CNTNAP2: variants seen among roughly 807,000 people sequenced by gnomAD.
CNTNAP2 encodes the protein contactin-associated protein-like 2.
In CNTNAP2, 98 loss-of-function variants were observed where a neutral mutation model predicts 155.2. The ratio of observed to expected loss-of-function variants is 0.63; its 90% CI spans 0.54 to 0.75. CNTNAP2 has a LOEUF of 0.75. Among genes scored for constraint, CNTNAP2 ranks in the 30% least tolerant of loss-of-function variants. The probability of loss-of-function intolerance (pLI) is 0.00; values close to 1 mark genes in which losing one functional copy is unlikely to be tolerated. For missense variants in CNTNAP2, 1,727 were observed against 1,688.1 expected (o/e 1.02, Z -0.40); for synonymous variants, 651 against 631.2 (o/e 1.03, Z -0.47).
chr7:147,352,001 G>A (rs1344517285), intron 9 of CNTNAP2, among the ~76,000 whole-genome samples: 1 of 151,858 alleles, frequency 6.6e-6, no homozygotes, highest in African/African-American at 2.4e-5. Context: ...ATTCTTCAAT[G>A]ATCAATGGCA....
At chr7:148,247,261 G>A (rs892857589) in intron 20 of CNTNAP2, among the ~76,000 whole-genome samples, 2 of 152,020 alleles carry the variant, frequency 1.3e-5, no homozygotes, top group Admixed American at 1.3e-4. Context: ...ACCATTTATT[G>A]TGTTTTTCTA....
At chr7:146,975,426 C>T (rs1797891200) in intron 3 of CNTNAP2, among the ~76,000 whole-genome samples, 2 of 152,096 alleles carry the variant, frequency 1.3e-5, no homozygotes, top group Admixed American at 1.3e-4. Flanking sequence ...GATCATGCCA[C>T]TGCACTCCAG....
intron 21 of CNTNAP2, among the ~76,000 whole-genome samples, chr7:148,342,993 C>A (rs1419064927): frequency 1.3e-5 from 2 of 152,144 alleles, no homozygotes; most frequent in Non-Finnish European, 2.9e-5. Context: ...AGGCTCCAGC[C>A]CCACACACTC....
At chr7:147,634,980 T>C (rs982601315) in intron 12 of CNTNAP2, among the ~76,000 whole-genome samples, 14 of 152,092 alleles carry the variant, frequency 9.2e-5, no homozygotes, top group African/African-American at 3.4e-4. Flanking sequence ...AATTAGAACA[T>C]TTGCATTTGT....
At chr7:147,007,891 A>C (rs976114863) in intron 3 of CNTNAP2, among the ~76,000 whole-genome samples, 1 of 152,168 alleles carries the variant, frequency 6.6e-6, no homozygotes, top group Non-Finnish European at 1.5e-5. Context: ...AATAAAATAC[A>C]CTAAAATAAA....
chr7:148,205,095 TAGACTG>T (rs1795427980), intron 18 of CNTNAP2, among the ~76,000 whole-genome samples: 1 of 152,238 alleles, frequency 6.6e-6, no homozygotes, highest in Non-Finnish European at 1.5e-5. Flanking sequence ...CTCTTTTCAC[TAGACTG>T]AGACTAAAAC....
At chr7:147,871,018 G>A (rs1355135762) in intron 13 of CNTNAP2, among the ~76,000 whole-genome samples, 2 of 152,238 alleles carry the variant, frequency 1.3e-5, no homozygotes, top group Non-Finnish European at 1.5e-5. Context: ...GCTGGGCTTG[G>A]CAAAGAAGGT....
rs199899500 is a variant in CNTNAP2 at position 146,350,726 on chromosome 7, A to G, written c.97+233753A>G. 7.6e-4 allele frequency among the ~76,000 whole-genome samples: 115 copies of G among 152,192 alleles called. 2 individuals carry two copies. In the East Asian group the frequency reaches 0.019, roughly 25 times the overall value. ...ATCATGCTGCTATAAAGACACATGCACACGTATGTTTATTGCGGCACTATT... is the reference window on the plus strand; with the variant it reads ...ATCATGCTGCTATAAAGACACATGCGCACGTATGTTTATTGCGGCACTATT... On this transcript the variant is annotated intron_variant, in intron 1 of 23. Transcript: ENST00000361727.
chr7:146,857,635 G>A (rs987102010), intron 3 of CNTNAP2, among the ~76,000 whole-genome samples: 6 of 152,134 alleles, frequency 3.9e-5, no homozygotes. Context: ...GAACGACTGA[G>A]AAACAATGGG....
chr7:146,683,592 A>G (rs2129170287), intron 1 of CNTNAP2, among the ~76,000 whole-genome samples: 1 of 152,328 alleles, frequency 6.6e-6, no homozygotes, highest in East Asian at 1.9e-4. Flanking sequence ...AACAGGCTGA[A>G]ACAATAAACA....
intron 1 of CNTNAP2, among the ~76,000 whole-genome samples, chr7:146,535,755 T>A (rs1277701991): frequency 6.6e-6 from 1 of 151,926 alleles, no homozygotes; most frequent in Non-Finnish European, 1.5e-5. Flanking sequence ...TTTCTAACCC[T>A]TTCCCCCTCC....
intron 11 of CNTNAP2, among the ~76,000 whole-genome samples, chr7:147,491,511 A>G (rs990801690): frequency 6.6e-6 from 1 of 152,176 alleles, no homozygotes; most frequent in East Asian, 1.9e-4. Context: ...TGCACTTATT[A>G]TTCATAATGA....
chr7:147,933,314 T>G (rs1800540561), intron 14 of CNTNAP2, among the ~76,000 whole-genome samples: 1 of 152,114 alleles, frequency 6.6e-6, no homozygotes, highest in African/African-American at 2.4e-5. Flanking sequence ...ATAAGTCCAC[T>G]TCTGGCCATT....
chr7:147,936,817 A>T (rs1430822442), intron 14 of CNTNAP2, among the ~76,000 whole-genome samples: 1 of 152,202 alleles, frequency 6.6e-6, no homozygotes, highest in Admixed American at 6.5e-5. Context: ...CAATGGTGAC[A>T]TCCTGTTACC....
intron 8 of CNTNAP2, among the ~76,000 whole-genome samples, chr7:147,144,674 A>T (rs1186217905): frequency 6.6e-6 from 1 of 152,214 alleles, no homozygotes; most frequent in Non-Finnish European, 1.5e-5. Flanking sequence ...TATAGGAATT[A>T]TTTCCATTAG....
At chr7:147,623,482 A>T (rs1055364404) in intron 12 of CNTNAP2, among the ~76,000 whole-genome samples, 1 of 152,116 alleles carries the variant, frequency 6.6e-6, no homozygotes, top group Non-Finnish European at 1.5e-5. Context: ...TGAAACAAAA[A>T]AATCAAAATG....
At chr7:147,406,785 T>C (rs1438356642) in intron 10 of CNTNAP2, among the ~76,000 whole-genome samples, 1 of 152,148 alleles carries the variant, frequency 6.6e-6, no homozygotes, top group Non-Finnish European at 1.5e-5. Flanking sequence ...GAAAAATGAG[T>C]CTGTAATAAA....
In CNTNAP2 at chr7:148,354,682, T is replaced by G. The variant is rs140444898; in HGVS notation, c.3476-28967T>G. ...CTGGGACAACTTCCCTAAAAGGCTT[T>G]CTTTTTTTTTTTTTAACCACTTTTC... On this transcript the variant is annotated intron_variant, in intron 21 of 23. Coordinates refer to ENST00000361727, the MANE Select transcript of CNTNAP2 (RefSeq NM_014141.6). Among the ~76,000 whole-genome samples the G allele has an allele frequency of 3.2e-3, 481 of 151,582 alleles. 5 individuals are homozygous for G. Among genetic ancestry groups the G allele is most frequent in the African/African-American group, 0.011 (457 of 41,294 alleles).
At chr7:147,747,766 T>A (rs1360329226) in intron 13 of CNTNAP2, among the ~76,000 whole-genome samples, 1 of 152,224 alleles carries the variant, frequency 6.6e-6, no homozygotes, top group African/African-American at 2.4e-5. Context: ...TTTGTCCCCA[T>A]ACAAATTTAT....
Sources: gnomAD v4.1 joint callset for allele counts (sites outside exome capture counted in the v4.1 genomes callset) on GRCh38, gnomAD v4.1.1 for gene constraint, MANE v1.5 for transcripts, NCBI Gene and HGNC (gene_info 2026-07-23, HGNC 2026-07-21) for gene names.